Variants in TPO observed in about 807,000 individuals in gnomAD.
TPO encodes thyroid peroxidase.
A neutral mutation model predicts 96.9 loss-of-function variants in TPO; 78 were observed. The observed-to-expected ratio is 0.81, with a 90% CI of 0.67 to 0.97. The LOEUF (loss-of-function observed/expected upper bound fraction) is 0.97. TPO is among the 50% of genes least tolerant of loss of function. TPO has a pLI of 0.00. For missense variants in TPO, 1,252 were observed against 1,274.8 expected (o/e 0.98, Z 0.27); for synonymous variants, 547 against 538.0 (o/e 1.02, Z -0.23).
chr2:1,540,662 G>T lies in TPO; in HGVS notation c.2687G>T (p.Cys896Phe), dbSNP rs769250694. ...ETGGGTPELR[C>F]GKHQAVGTSP... is the part of the protein sequence containing the mutation. The stretch of plus-strand genomic sequence containing the variant: ...GGCGGAGGAACTCCCGAGCTGAGAT[G>T]CGGAAAGCACCAGGCCGTAGGGACC... Residue 896 changes from cysteine (C) to phenylalanine (F), a missense_variant, in exon 16 of 17, where the codon TGC becomes TTC. Physicochemically the swap from Cys to Phe is radical, Grantham distance 205. Transcript: ENST00000329066. 6.2e-7 allele frequency: 1 copy of T among 1,613,558 alleles called. No individual in the cohort carries two copies. Among genetic ancestry groups the T allele is most frequent in the Non-Finnish European group, 8.5e-7 (1 of 1,180,044 alleles).
intron 15 of TPO, among the ~76,000 whole-genome samples, chr2:1,520,453 G>A (rs764616733): frequency 2.0e-5 from 3 of 152,190 alleles, no homozygotes; most frequent in Admixed American, 6.5e-5. Flanking sequence ...CACACAGCAG[G>A]TGCTCAGCAA....
At chr2:1,542,279 A>AGCAAGAAGGATGGCTCATCTC (rs1680853321) in intron 16 of TPO, 142 bp from the exon 17 acceptor site, 1 of 1,165,196 alleles carries the variant, frequency 8.6e-7, no homozygotes, top group Non-Finnish European at 1.2e-6. Flanking sequence ...CAGCATGACA[A>AGCAAGAAGGATGGCTCATCTC]GCAAGAAGGA....
At chr2:1,452,080 G>A (rs1385664118) in intron 5 of TPO, among the ~76,000 whole-genome samples, 2 of 151,754 alleles carry the variant, frequency 1.3e-5, no homozygotes, top group Non-Finnish European at 2.9e-5. Context: ...ATTTTATTTT[G>A]CATGTTACTT....
intron 7 of TPO, among the ~76,000 whole-genome samples, chr2:1,462,171 T>C (rs1260494288): frequency 1.3e-5 from 2 of 152,186 alleles, no homozygotes; most frequent in East Asian, 1.9e-4. Context: ...GAGCACATGC[T>C]TGTGGGACCC....
chr2:1,476,998 G>C (rs1437739008), intron 7 of TPO, 88 bp from the exon 8 acceptor site: 6 of 1,484,100 alleles, frequency 4.0e-6, no homozygotes, highest in Admixed American at 2.0e-5. Context: ...GTGCGGCGCT[G>C]CGGGGTCGTC....
intron 14 of TPO, among the ~76,000 whole-genome samples, chr2:1,507,475 A>T (rs896477889): frequency 2.9e-4 from 44 of 152,210 alleles, no homozygotes; most frequent in African/African-American, 1.0e-3. Context: ...TACCTTGGGC[A>T]GTATGGTCAT....
chr2:1,426,512 G>T (rs918691271), intron 3 of TPO, among the ~76,000 whole-genome samples: 2 of 152,050 alleles, frequency 1.3e-5, no homozygotes, highest in Non-Finnish European at 2.9e-5. Flanking sequence ...AAAAGTCCAT[G>T]CTCCTTCTGT....
chr2:1,496,255 C>T, intron 12 of TPO, 58 bp downstream of exon 12: 4 of 1,569,992 alleles, frequency 2.5e-6, no homozygotes, highest in Non-Finnish European at 3.5e-6. Context: ...TCAAACAAAG[C>T]TTATCTTCCC....
At chr2:1,407,260 G>C (rs761460216) in intron 1 of TPO, among the ~76,000 whole-genome samples, 2 of 152,120 alleles carry the variant, frequency 1.3e-5, no homozygotes, top group Non-Finnish European at 2.9e-5. Flanking sequence ...ATACCACTTT[G>C]TTCGTAAAGG....
At chr2:1,391,186 C>A (rs1390329764) in intron 1 of TPO, among the ~76,000 whole-genome samples, 2 of 152,292 alleles carry the variant, frequency 1.3e-5, no homozygotes, top group Non-Finnish European at 2.9e-5. Flanking sequence ...AGTCTTTAAT[C>A]CATCTTGAAT....
chr2:1,537,195 C>T (rs1294544841), intron 15 of TPO, among the ~76,000 whole-genome samples: 10 of 114,740 alleles, frequency 8.7e-5, no homozygotes, highest in South Asian at 3.0e-4. Flanking sequence ...AGCAACCTCC[C>T]CAAATCCCCC....
upstream of TPO, among the ~76,000 whole-genome samples, chr2:1,411,031 G>A (rs1367378569): frequency 1.3e-4 from 19 of 151,770 alleles, no homozygotes; most frequent in Admixed American, 7.9e-4. Context: ...TGATAGCCTC[G>A]GGTTTTCCAC....
At chr2:1,459,106 A>T (rs888885772) in intron 7 of TPO, among the ~76,000 whole-genome samples, 1 of 152,072 alleles carries the variant, frequency 6.6e-6, no homozygotes, top group Non-Finnish European at 1.5e-5. Flanking sequence ...GTAGATTTTT[A>T]ATTTTATTTC....
chr2:1,481,898 T>C (rs1670680276), intron 8 of TPO, among the ~76,000 whole-genome samples: 1 of 151,986 alleles, frequency 6.6e-6, no homozygotes, highest in Non-Finnish European at 1.5e-5. Flanking sequence ...GCCAGGCCCC[T>C]ACCTCAAGGC....
At chr2:1,516,491 A>G (rs950218724) in intron 14 of TPO, among the ~76,000 whole-genome samples, 1 of 152,014 alleles carries the variant, frequency 6.6e-6, no homozygotes. Flanking sequence ...CACCTTGCGA[A>G]CCTTTCCCGC....
At position 1,489,748 on chromosome 2, in the gene TPO, A is replaced by T. The variant is rs1415748149; in HGVS notation, c.1768+1757A>T. Among the ~76,000 whole-genome samples the T allele has an allele frequency of 2.0e-5, 3 of 152,256 alleles. No homozygotes were observed. In the East Asian group the frequency reaches 5.8e-4, roughly 29 times the overall value. ...GCGGGAAGGGAACAGGAGTAAGACC[A>T]GCGCACAGCCCGACTTGTGTTCAGA... is the stretch of plus-strand genomic sequence containing the variant. On this transcript the variant is annotated intron_variant, in intron 10 of 16. Transcript: ENST00000329066.
At chr2:1,472,750 G>A (rs975193341) in intron 7 of TPO, among the ~76,000 whole-genome samples, 1 of 135,286 alleles carries the variant, frequency 7.4e-6, no homozygotes, top group Non-Finnish European at 1.5e-5. Context: ...ACGACTGAGT[G>A]TACCCCTTAC....
chr2:1,375,934 A>C (rs1400246302), intron 1 of TPO, among the ~76,000 whole-genome samples: 1 of 152,248 alleles, frequency 6.6e-6, no homozygotes, highest in Non-Finnish European at 1.5e-5. Context: ...CTCTAATGCT[A>C]TGCATGAGGG....
At chr2:1,492,240 C>T (rs1397052788) in intron 10 of TPO, among the ~76,000 whole-genome samples, 3 of 152,132 alleles carry the variant, frequency 2.0e-5, no homozygotes, top group African/African-American at 4.8e-5. Flanking sequence ...CGGCAACCTC[C>T]GTCTCCCAGG....
Sources: allele counts gnomAD v4.1 joint callset (sites outside exome capture counted in the v4.1 genomes callset), GRCh38; gene constraint gnomAD v4.1.1; transcripts MANE v1.5; gene names NCBI Gene and HGNC (gene_info 2026-07-23, HGNC 2026-07-21).